PSG9: variants seen among roughly 807,000 people sequenced by gnomAD.
PSG9 encodes the protein pregnancy-specific beta-1-glycoprotein 9.
Under a neutral mutation model 41.9 loss-of-function variants are expected in PSG9, and 49 were observed. That is an observed-to-expected ratio of 1.17 (90% confidence interval 0.93 to 1.48). PSG9 has a LOEUF of 1.48. PSG9 is among the 40% of genes most tolerant of loss of function. The probability of loss-of-function intolerance (pLI) is 0.00; values close to 1 mark genes in which losing one functional copy is unlikely to be tolerated. For missense variants in PSG9, 641 were observed against 520.3 expected, an observed-to-expected ratio of 1.23 and a Z score of -2.26; for synonymous variants, 263 against 196.8, an observed-to-expected ratio of 1.34 and a Z score of -2.82.
intron 4 of PSG9, 64 bp downstream of exon 4, chr19:43,258,793 C>G: frequency 6.4e-7 from 1 of 1,564,810 alleles, no homozygotes; most frequent in Admixed American, 1.8e-5. Flanking sequence ...ACTGAGAGGC[C>G]TGGCATCTGG....
rs146285613 is a variant in PSG9 at position 43,261,980 on chromosome 19, T to C, written c.589A>G (p.Lys197Glu). 7.1e-4 allele frequency: 1,154 copies of C among 1,614,072 alleles called. 12 individuals carry two copies. The highest frequency in any genetic ancestry group is 8.8e-4 in the Non-Finnish European group (1,035 of 1,179,946). ...AATAGATAGAGGGTCCTGTTGGTTT[T>C]GGACAGCTGCAACCTGTGAGTCACA... is the stretch of plus-strand genomic sequence containing the variant. Reference protein sequence around the residue: ...LPVTHRLQLSKTNRTLYLFGV... With the variant: ...LPVTHRLQLSETNRTLYLFGV... Residue 197 changes from lysine to glutamate, a missense_variant, in exon 3 of 6, where the codon AAA (lysine) becomes GAA (glutamate). Transcript: ENST00000270077.
intron 3 of PSG9, 40 bp from the exon 4 acceptor site, chr19:43,259,175 C>T (rs1229010297): frequency 5.1e-6 from 8 of 1,577,782 alleles, no homozygotes; most frequent in Non-Finnish European, 6.9e-6. Flanking sequence ...TGTGTGGCAC[C>T]TTTGATTCCT....
Position 43,253,741 on chromosome 19 carries a change from A to G in PSG9, c.1244-95T>C, listed in dbSNP as rs1849773695. 5.3e-6 allele frequency: 4 copies of G among 750,264 alleles called. 1 individual carries two copies. The South Asian group carries it at 7.3e-5, about 14-fold the overall frequency. The allele number at this position is 750,264 out of a possible 1,614,324, so 46.5% of individuals were successfully genotyped here. ...CTACAGGCTCCCAGGAAGGGTGTGA[A>G]AGCAAGCCTAGTTCTCTGAGGCTCT... is the stretch of plus-strand genomic sequence containing the variant. On this transcript the variant is annotated intron_variant, in intron 5 of 5. Coordinates refer to ENST00000270077, the MANE Select transcript of PSG9 (RefSeq NM_002784.5).
intron 2 of PSG9, among the ~76,000 whole-genome samples, chr19:43,263,348 T>A (rs1183033119): frequency 6.6e-6 from 1 of 152,152 alleles, no homozygotes; most frequent in African/African-American, 2.4e-5. Flanking sequence ...TTTCTAATTT[T>A]TTTTATTTTG....
At chr19:43,259,379 C>G in intron 3 of PSG9, 1 of 706,730 alleles carries the variant, frequency 1.4e-6, no homozygotes, top group Non-Finnish European at 2.1e-6. Context: ...AGTGTTGGGT[C>G]ATGGACAGAC....
chr19:43,266,343 G>A (rs551067198), intron 2 of PSG9, among the ~76,000 whole-genome samples: 2 of 150,222 alleles, frequency 1.3e-5, no homozygotes, highest in African/African-American at 5.0e-5. Context: ...GAACCTCCTA[G>A]GATTCTGCAT....
intron 2 of PSG9, among the ~76,000 whole-genome samples, chr19:43,265,201 G>C (rs1196881010): frequency 1.3e-5 from 2 of 152,144 alleles, no homozygotes; most frequent in Non-Finnish European, 2.9e-5. Flanking sequence ...GACTGCTTTT[G>C]TCAAACTAGT....
In PSG9 at chr19:43,262,086, G is replaced by A. The variant is rs1430190216; in HGVS notation, c.483C>T (p.Ala161=). 3.1e-6 allele frequency: 5 copies of A among 1,613,944 alleles called. No homozygotes were observed. Among genetic ancestry groups the A allele is most frequent in the Middle Eastern group, 1.7e-4 (1 of 6,058 alleles). Residue 161 remains alanine, a synonymous_variant, in exon 3 of 6, where the codon GCC becomes GCT. Coordinates refer to ENST00000270077, the MANE Select transcript of PSG9 (RefSeq NM_002784.5). ...ISSSNLNPRE[A]MEAVRLICDP... Reference sequence around the variant, plus strand: ...CACAGATTAAGCGCACAGCCTCCATGGCCTCCCTGGGGTTTAAGTTGCTGC... The same window carrying A: ...CACAGATTAAGCGCACAGCCTCCATAGCCTCCCTGGGGTTTAAGTTGCTGC...
chr19:43,268,274 A>ATAC, intron 1 of PSG9, 125 bp from the exon 2 acceptor site: 1 of 1,362,628 alleles, frequency 7.3e-7, no homozygotes, highest in Non-Finnish European at 1.0e-6. Context: ...GCACACATAC[A>ATAC]AACAAACACA....
chr19:43,261,908 T>C lies in PSG9; in HGVS notation c.661A>G (p.Asn221Asp). The C allele has an allele frequency of 6.2e-7, 1 of 1,614,068 alleles. No homozygotes were observed. The highest frequency in any genetic ancestry group is 8.5e-7 in the Non-Finnish European group (1 of 1,179,942). Residue 221 changes from asparagine (N) to aspartate (D), a missense_variant, in exon 3 of 6, where the codon AAC becomes GAC. Physicochemically the swap from Asn to Asp is conservative, Grantham distance 23. Transcript: ENST00000270077. ...IAGPYECEIR[N>D]PVSASRSDPV... ...TCACTGCGACTGGCACTCACTGGGT[T>C]CCGTATTTCACATTCATAGGGTCCT...
At chr19:43,263,258 T>C (rs1170513202) in intron 2 of PSG9, among the ~76,000 whole-genome samples, 2 of 152,098 alleles carry the variant, frequency 1.3e-5, no homozygotes, top group African/African-American at 2.4e-5. Flanking sequence ...GTTCTAGAGA[T>C]CTCCTGTACA....
intron 2 of PSG9, among the ~76,000 whole-genome samples, chr19:43,263,142 A>T (rs2122539108): frequency 6.6e-6 from 1 of 152,230 alleles, no homozygotes; most frequent in South Asian, 2.1e-4. Context: ...CTATCAGTGG[A>T]TTCCAGAGTG....
chr19:43,253,861 T>G (rs1312158667), intron 5 of PSG9, among the ~76,000 whole-genome samples: 1 of 146,416 alleles, frequency 6.8e-6, no homozygotes, highest in African/African-American at 2.6e-5. Context: ...TTTCTCTTTC[T>G]TTTTCACAGG....
intron 2 of PSG9, among the ~76,000 whole-genome samples, chr19:43,267,292 T>A (rs1386539397): frequency 2.6e-5 from 4 of 152,102 alleles, no homozygotes; most frequent in Non-Finnish European, 5.9e-5. Flanking sequence ...AGACAGCTGG[T>A]AAATTCTTGG....
At chr19:43,257,708 G>C in intron 5 of PSG9, 3 of 1,133,616 alleles carry the variant, frequency 2.6e-6, no homozygotes, top group Non-Finnish European at 3.2e-6. Context: ...CCAGTCACCA[G>C]AGGAGCCCGG....
intron 5 of PSG9, 90 bp downstream of exon 5, chr19:43,258,112 T>C: frequency 6.3e-7 from 1 of 1,590,344 alleles, no homozygotes; most frequent in Non-Finnish European, 8.5e-7. Context: ...GGACACAGGC[T>C]GGGAATAAAA....
At chr19:43,265,589 C>T (rs1277971901) in intron 2 of PSG9, among the ~76,000 whole-genome samples, 1 of 152,180 alleles carries the variant, frequency 6.6e-6, no homozygotes, top group African/African-American at 2.4e-5. Context: ...TTGAAAATCT[C>T]TAACCCCTGA....
At chr19:43,263,742 T>A (rs564410218) in intron 2 of PSG9, among the ~76,000 whole-genome samples, 3 of 152,208 alleles carry the variant, frequency 2.0e-5, no homozygotes, top group South Asian at 4.2e-4. Flanking sequence ...TCCAGCAGGA[T>A]CACATTATGC....
Position 43,256,501 on chromosome 19 carries a change from C to T in PSG9, c.1243+1701G>A, listed in dbSNP as rs764347576. Among the ~76,000 whole-genome samples the T allele has an allele frequency of 1.6e-4, 24 of 146,544 alleles. 1 individual carries two copies. The highest frequency in any genetic ancestry group is 3.0e-4 in the Non-Finnish European group (20 of 67,352). The stretch of plus-strand genomic sequence containing the variant: ...CTACAAGTCAACAACAACAAACATC[C>T]AAAAACCCAATTAAAAAATGAACAA... On this transcript the variant is annotated intron_variant, in intron 5 of 5. Coordinates refer to ENST00000270077, the MANE Select transcript of PSG9 (RefSeq NM_002784.5).
Sources: gnomAD v4.1 joint callset for allele counts (sites outside exome capture counted in the v4.1 genomes callset) on GRCh38, gnomAD v4.1.1 for gene constraint, MANE v1.5 for transcripts, NCBI Gene and HGNC (gene_info 2026-07-23, HGNC 2026-07-21) for gene names.